Variants in LRCH1 observed in about 807,000 individuals in gnomAD.
LRCH1 encodes the protein leucine rich repeats and calponin homology domain containing 1.
LRCH1 carries 23 observed loss-of-function variants against 94.9 expected under a neutral mutation model. That is an observed-to-expected ratio of 0.24 (90% CI 0.17 to 0.34). The LOEUF (loss-of-function observed/expected upper bound fraction) is 0.34. LRCH1 is among the 10% of genes least tolerant of loss of function. The probability of loss-of-function intolerance (pLI) is 1.00; values close to 1 mark genes in which losing one functional copy is unlikely to be tolerated. For missense variants in LRCH1, 790 were observed against 945.9 expected (o/e 0.84, Z 2.16); for synonymous variants, 364 against 354.9 (o/e 1.03, Z -0.29).
At chr13:46,617,100 T>C (rs1261533528) in intron 1 of LRCH1, among the ~76,000 whole-genome samples, 1 of 152,212 alleles carries the variant, frequency 6.6e-6, no homozygotes, top group Non-Finnish European at 1.5e-5. Flanking sequence ...TCACAGGGGA[T>C]GCGATGGCTT....
At chr13:46,708,317 G>A (rs868359160) in intron 13 of LRCH1, among the ~76,000 whole-genome samples, 3 of 128,834 alleles carry the variant, frequency 2.3e-5, no homozygotes, top group South Asian at 2.4e-4. Context: ...CGCTCTTGTC[G>A]CCCAGGTTGA....
chr13:46,628,644 G>A (rs1165446164), intron 1 of LRCH1, among the ~76,000 whole-genome samples: 1 of 142,724 alleles, frequency 7.0e-6, no homozygotes, highest in Non-Finnish European at 1.5e-5. Context: ...GCGACAGAGC[G>A]ATTCTCTGTC....
At chr13:46,571,883 A>T (rs943777046) in intron 1 of LRCH1, among the ~76,000 whole-genome samples, 17 of 146,836 alleles carry the variant, frequency 1.2e-4, no homozygotes, top group East Asian at 4.3e-4. Context: ...TGTGTGTGTG[A>T]GAGAGAGAGA....
chr13:46,624,627 G>A (rs992072584), intron 1 of LRCH1, among the ~76,000 whole-genome samples: 17 of 152,172 alleles, frequency 1.1e-4, no homozygotes, highest in Non-Finnish European at 2.5e-4. Context: ...GAGGGTTTTC[G>A]TTATGAAAAT....
intron 7 of LRCH1, among the ~76,000 whole-genome samples, chr13:46,690,183 A>T (rs1015114164): frequency 6.6e-6 from 1 of 152,134 alleles, no homozygotes; most frequent in African/African-American, 2.4e-5. Context: ...AAAAAGTGGG[A>T]TTCTTTATCT....
chr13:46,742,281 A>C lies in LRCH1; in HGVS notation c.*433A>C. ...CTAGAATTCTAATTCGGGACTGGGC[A>C]ATTGAGCTGTATAGGGGCCACCTTG... is the stretch of plus-strand genomic sequence containing the variant. On this transcript the variant is annotated 3_prime_UTR_variant, in exon 20 of 20. Transcript: ENST00000389797. The C allele has an allele frequency of 9.5e-7, 1 of 1,048,916 alleles. No individual in the cohort carries two copies. Among genetic ancestry groups the C allele is most frequent in the Non-Finnish European group, 1.2e-6 (1 of 868,814 alleles). 65.0% of individuals were successfully genotyped at this position (1,048,916 alleles called of 1,614,324 possible).
chr13:46,685,043 T>TA (rs1158855342), intron 4 of LRCH1, among the ~76,000 whole-genome samples: 1 of 152,194 alleles, frequency 6.6e-6, no homozygotes, highest in Non-Finnish European at 1.5e-5. Context: ...TTGAGTGTTT[T>TA]AAAGCGCAAT....
chr13:46,715,539 G>C, intron 15 of LRCH1, 21 bp from the exon 16 acceptor site: 1 of 1,432,436 alleles, frequency 7.0e-7, no homozygotes, highest in Non-Finnish European at 9.5e-7. Context: ...TACGCGGACT[G>C]GCTCTCTGGC....
intron 1 of LRCH1, among the ~76,000 whole-genome samples, chr13:46,642,506 A>G (rs1387596449): frequency 1.3e-5 from 2 of 152,222 alleles, no homozygotes; most frequent in African/African-American, 4.8e-5. Context: ...GAGGAAAAAA[A>G]GCCCCACAAA....
chr13:46,563,698 G>A (rs757855674), intron 1 of LRCH1, among the ~76,000 whole-genome samples: 26 of 152,120 alleles, frequency 1.7e-4, no homozygotes, highest in Non-Finnish European at 3.2e-4. Flanking sequence ...CTAGAGTGGG[G>A]GCTCAATAAC....
chr13:46,693,332 A>G (rs1011506987), intron 8 of LRCH1, among the ~76,000 whole-genome samples: 2 of 152,194 alleles, frequency 1.3e-5, no homozygotes, highest in African/African-American at 4.8e-5. Flanking sequence ...CTTTCATACC[A>G]TGACTCCATC....
intron 19 of LRCH1, among the ~76,000 whole-genome samples, chr13:46,739,040 T>C (rs1352023026): frequency 1.3e-5 from 2 of 152,266 alleles, no homozygotes; most frequent in Non-Finnish European, 2.9e-5. Flanking sequence ...AAAAATACTT[T>C]GTAAGCATAT....
intron 1 of LRCH1, among the ~76,000 whole-genome samples, chr13:46,636,393 T>A (rs79057308): frequency 0.085 from 12,935 of 152,172 alleles, 663 homozygotes; most frequent in Middle Eastern, 0.16. Flanking sequence ...TTCTTAAGTG[T>A]GCAATTCGGT....
In LRCH1 at chr13:46,553,409, G is replaced by A; in HGVS notation, c.13G>A (p.Gly5Arg). The change falls in exon 1 of 20, where the codon GGA (glycine) becomes AGA (arginine). Residue 5 changes from glycine to arginine, a missense_variant. By Grantham distance (125) the Gly-to-Arg change is moderately radical. This residue lies in a region of LRCH1 where 136 missense variants were observed against 143.5 expected (regional missense o/e 0.95). Transcript: ENST00000389797. MATP[G>R]SEPQPFVPAL... ...GGCCCGGGAGAAGATGGCGACGCCG[G>A]GAAGCGAACCCCAACCTTTCGTCCC... The A allele has an allele frequency of 6.5e-7, 1 of 1,541,668 alleles. No homozygotes were observed. The highest frequency in any genetic ancestry group is 2.0e-5 in the Admixed American group (1 of 50,620).
intron 16 of LRCH1, among the ~76,000 whole-genome samples, chr13:46,718,167 T>C (rs775224042): frequency 6.6e-6 from 1 of 152,248 alleles, no homozygotes; most frequent in Non-Finnish European, 1.5e-5. Flanking sequence ...ATTTTTGCTC[T>C]TTCATTTGCA....
At chr13:46,749,292 G>T (rs1874030612), downstream of LRCH1, among the ~76,000 whole-genome samples, 1 of 152,196 alleles carries the variant, frequency 6.6e-6, no homozygotes, top group Non-Finnish European at 1.5e-5. Context: ...GGCACTGACA[G>T]ACAAATACTG....
In LRCH1 at chr13:46,610,444, T is replaced by C. The variant is rs551320052; in HGVS notation, c.308-39757T>C. Among the ~76,000 whole-genome samples the C allele has an allele frequency of 2.5e-4, 38 of 152,134 alleles. No individual in the cohort carries two copies. The South Asian group carries it at 4.6e-3, about 18-fold the overall frequency. ...TAAAAACTTGTAATATTTTATTAAG[T>C]TATCTACCCAAATCTTCCTCCTGAA... On this transcript the variant is annotated intron_variant, in intron 1 of 19. Coordinates refer to ENST00000389797, the MANE Select transcript of LRCH1 (RefSeq NM_001164211.2).
At chr13:46,719,402 C>T (rs1383900915) in intron 16 of LRCH1, among the ~76,000 whole-genome samples, 1 of 152,158 alleles carries the variant, frequency 6.6e-6, no homozygotes, top group African/African-American at 2.4e-5. Context: ...ATTTACAGAT[C>T]CATAATGGAG....
intron 1 of LRCH1, among the ~76,000 whole-genome samples, chr13:46,583,087 A>C (rs149020603): frequency 2.5e-3 from 381 of 152,306 alleles, no homozygotes; most frequent in African/African-American, 8.6e-3. Flanking sequence ...TCTGCCACAG[A>C]TTCTCTAAGG....
Sources: gnomAD v4.1 joint callset for allele counts (sites outside exome capture counted in the v4.1 genomes callset) on GRCh38, gnomAD v4.1.1 for gene constraint, gnomAD v4.1.1 regional missense constraint, MANE v1.5 for transcripts, NCBI Gene and HGNC (gene_info 2026-07-23, HGNC 2026-07-21) for gene names.